Variants in USP34 observed in about 807,000 individuals in gnomAD.
USP34 encodes the protein ubiquitin carboxyl-terminal hydrolase 34.
Under a neutral mutation model 460.3 loss-of-function variants are expected in USP34, and 70 were observed. That is an observed-to-expected ratio of 0.15 (90% CI 0.13 to 0.19). The LOEUF is 0.19. Among genes scored for constraint, USP34 ranks in the 10% least tolerant of loss-of-function variants. USP34 has a pLI of 1.00. For missense variants in USP34, 3,985 were observed against 4,236.2 expected (o/e 0.94, Z 1.65); for synonymous variants, 1,647 against 1,405.3 (o/e 1.17, Z -3.85).
chr2:61,414,839 C>T (rs762027647), intron 2 of USP34, among the ~76,000 whole-genome samples: 1 of 152,106 alleles, frequency 6.6e-6, no homozygotes, highest in Non-Finnish European at 1.5e-5. Context: ...GGCCCATGAT[C>T]AGTCTGAAGT....
chr2:61,223,384 C>G, intron 62 of USP34, 88 bp from the exon 63 acceptor site: 1 of 1,321,044 alleles, frequency 7.6e-7, no homozygotes, highest in Non-Finnish European at 1.1e-6. Flanking sequence ...ATTGTTGATT[C>G]AATTATAATT....
chr2:61,420,946 T>C (rs1356295536), intron 1 of USP34, 113 bp from the exon 2 acceptor site: 3 of 672,906 alleles, frequency 4.5e-6, no homozygotes, highest in Non-Finnish European at 6.9e-6. Flanking sequence ...TAATCATTCT[T>C]TTGCTTCCAA....
At chr2:61,434,269 T>A (rs1393780344) in intron 1 of USP34, among the ~76,000 whole-genome samples, 1 of 151,792 alleles carries the variant, frequency 6.6e-6, no homozygotes, top group Non-Finnish European at 1.5e-5. Context: ...CTGATGGGCA[T>A]CCCCCCAGGC....
intron 34 of USP34, among the ~76,000 whole-genome samples, chr2:61,287,532 A>G (rs1215445576): frequency 6.6e-6 from 1 of 152,204 alleles, no homozygotes; most frequent in Non-Finnish European, 1.5e-5. Context: ...CTCCTAAGGC[A>G]GCAAGGCCAA....
At chr2:61,406,759 C>T (rs1327931855) in intron 2 of USP34, among the ~76,000 whole-genome samples, 4 of 150,228 alleles carry the variant, frequency 2.7e-5, no homozygotes, top group African/African-American at 7.4e-5. Context: ...AATCCCAGCA[C>T]GTTGGGAGGC....
intron 5 of USP34, among the ~76,000 whole-genome samples, chr2:61,384,874 ATAAGT>A (rs1355033901): frequency 2.0e-5 from 3 of 152,110 alleles, no homozygotes; most frequent in East Asian, 1.9e-4. Flanking sequence ...CCTAGACAAT[ATAAGT>A]TAAGAAACTA....
intron 5 of USP34, 112 bp from the exon 6 acceptor site, chr2:61,383,448 T>C (rs1212231669): frequency 3.0e-6 from 2 of 675,220 alleles, no homozygotes; most frequent in South Asian, 2.5e-5. Flanking sequence ...CTCACGCCTG[T>C]AATCCCAGCA....
At chr2:61,329,425 T>G (rs1438278789) in intron 20 of USP34, among the ~76,000 whole-genome samples, 1 of 152,164 alleles carries the variant, frequency 6.6e-6, no homozygotes, top group Non-Finnish European at 1.5e-5. Context: ...GGATACTGAC[T>G]TGGAATAACA....
rs1689521561 is a variant in USP34, at chr2:61,281,030, A to G, written c.5151+60T>C. 6 of 1,547,694 alleles carry G rather than the reference A, an allele frequency of 3.9e-6. No individual in the cohort carries two copies. The South Asian group carries it at 7.2e-5, about 19-fold the overall frequency. On this transcript the variant is annotated intron_variant, in intron 38 of 79. Coordinates refer to ENST00000398571, the MANE Select transcript of USP34 (RefSeq NM_014709.4). ...AATTTTAAGGATATATTACAACGGTAAACTGAGGCAAAGGAAATTTCAAAA... is the reference window on the plus strand; with the variant it reads ...AATTTTAAGGATATATTACAACGGTGAACTGAGGCAAAGGAAATTTCAAAA...
intron 27 of USP34, among the ~76,000 whole-genome samples, chr2:61,307,511 G>C (rs1690450269): frequency 6.6e-6 from 1 of 151,612 alleles, no homozygotes; most frequent in Non-Finnish European, 1.5e-5. Context: ...TCAATCTCAT[G>C]ATTTCCTTTT....
intron 10 of USP34, among the ~76,000 whole-genome samples, chr2:61,360,040 C>A (rs1692227544): frequency 6.6e-6 from 1 of 151,986 alleles, no homozygotes; most frequent in South Asian, 2.1e-4. Context: ...GCCTCAGCTT[C>A]CCAAAATGCT....
chr2:61,279,084 G>C (rs1689458694), intron 39 of USP34, among the ~76,000 whole-genome samples: 2 of 150,890 alleles, frequency 1.3e-5, no homozygotes, highest in Admixed American at 6.6e-5. Context: ...AGCTCAAATG[G>C]GCAAGCCCAG....
chr2:61,222,557 T>C, intron 65 of USP34, 62 bp downstream of exon 65: 1 of 1,353,822 alleles, frequency 7.4e-7, no homozygotes, highest in Non-Finnish European at 1.0e-6. Flanking sequence ...TTAGGCTCAT[T>C]TGAAAGCATT....
In USP34 at chr2:61,348,406, A is replaced by T. The variant is rs777977839; in HGVS notation, c.1749T>A (p.Ser583Arg). The change falls in exon 15 of 80, where the codon AGT becomes AGA. Residue 583 changes from serine (S) to arginine (R), a missense_variant. Physicochemically the swap from Ser to Arg is moderately radical, Grantham distance 110. Transcript: ENST00000398571. ...CATTGCTAGATCCATCACTATGCCC[A>T]CTACTGCTACCAGGACCACTGCTTC... is the stretch of plus-strand genomic sequence containing the variant. ...EDGSSGPGSS[S>R]GHSDGSSNEV... 2.5e-6 allele frequency: 4 copies of T among 1,613,878 alleles called. No homozygotes were observed. The highest frequency in any genetic ancestry group is 3.4e-6 in the Non-Finnish European group (4 of 1,180,020).
At chr2:61,363,884 G>A (rs1197692538) in intron 10 of USP34, among the ~76,000 whole-genome samples, 9 of 152,142 alleles carry the variant, frequency 5.9e-5, no homozygotes. Context: ...AAATTTTAAT[G>A]TTTGCTATGA....
At chr2:61,445,891 T>C (rs929950316) in intron 1 of USP34, among the ~76,000 whole-genome samples, 5 of 151,474 alleles carry the variant, frequency 3.3e-5, no homozygotes, top group African/African-American at 1.2e-4. Flanking sequence ...GAGGTTGCAG[T>C]GAGCTGCGAT....
intron 12 of USP34, among the ~76,000 whole-genome samples, chr2:61,349,861 AC>A (rs1238723050): frequency 5.6e-4 from 85 of 151,916 alleles, no homozygotes; most frequent in Middle Eastern, 3.4e-3. Flanking sequence ...AACAACAACA[AC>A]AACAACAAAA....
At chr2:61,204,157 A>G in intron 74 of USP34, 99 bp downstream of exon 74, 1 of 1,474,710 alleles carries the variant, frequency 6.8e-7, no homozygotes, top group Non-Finnish European at 9.2e-7. Flanking sequence ...GATCCACAAA[A>G]TTGGTCACTT....
chr2:61,265,852 A>G lies in USP34; in HGVS notation c.5617+132T>C, dbSNP rs549915816. The stretch of plus-strand genomic sequence containing the variant: ...CATCAATGTTTACTTTTTAACTTTA[A>G]TAACACCCTACCAATAATCATTTAT... On this transcript the variant is annotated intron_variant, in intron 42 of 79. Transcript: ENST00000398571. The G allele has an allele frequency of 2.0e-5, 18 of 910,972 alleles. No individual in the cohort carries two copies. The African/African-American group carries it at 2.4e-4, about 12-fold the overall frequency. The allele number at this position is 910,972 out of a possible 1,614,324, so 56.4% of individuals were successfully genotyped here. A position where few individuals can be genotyped will look rare whatever the true frequency, so the allele number is the denominator to read the frequency against.
Sources: allele counts gnomAD v4.1 joint callset (sites outside exome capture counted in the v4.1 genomes callset), GRCh38; gene constraint gnomAD v4.1.1; transcripts MANE v1.5; gene names NCBI Gene and HGNC (gene_info 2026-07-23, HGNC 2026-07-21).